The following ITGAV variants were observed in gnomAD, a reference collection of about 807,000 sequenced individuals.
ITGAV encodes integrin alpha-V.
Under a neutral mutation model 143.8 loss-of-function variants are expected in ITGAV, and 76 were observed. The ratio of observed to expected loss-of-function variants is 0.53; its 90% CI spans 0.44 to 0.64. The LOEUF is 0.64. Ranked by LOEUF, ITGAV falls within the 30% of genes least tolerant of loss-of-function variation. The pLI, the probability that ITGAV is intolerant of heterozygous loss-of-function variation, is 0.00. For synonymous variants in ITGAV, 453 were observed against 446.7 expected (o/e 1.01, Z -0.18); for missense variants, 1,193 against 1,274.7 (o/e 0.94, Z 0.98).
chr2:186,655,646 G>T (rs1035595679), intron 16 of ITGAV, among the ~76,000 whole-genome samples: 2 of 152,194 alleles, frequency 1.3e-5, no homozygotes, highest in African/African-American at 4.8e-5. Context: ...ACTATTTAAA[G>T]AACTGAATCT....
intron 26 of ITGAV, chr2:186,670,096 T>C (rs1437478924): frequency 2.1e-5 from 8 of 375,374 alleles, no homozygotes; most frequent in Non-Finnish European, 3.9e-5. Context: ...CTCCTCCTAA[T>C]CTCTGAGGCT....
At chr2:186,601,453 G>T (rs3845712) in intron 1 of ITGAV, among the ~76,000 whole-genome samples, 3 of 151,018 alleles carry the variant, frequency 2.0e-5, no homozygotes, top group African/African-American at 7.3e-5. Flanking sequence ...AAGCAAAACT[G>T]TGTCTCTTAA....
chr2:186,598,342 G>C (rs1209434897), intron 1 of ITGAV, among the ~76,000 whole-genome samples: 1 of 148,606 alleles, frequency 6.7e-6, no homozygotes, highest in African/African-American at 2.5e-5. Flanking sequence ...GTTTCACTGT[G>C]TTAACCAACT....
intron 24 of ITGAV, among the ~76,000 whole-genome samples, chr2:186,668,216 ATTTTTTT>A (rs1186490756): frequency 2.4e-4 from 1 of 4,200 alleles, no homozygotes; most frequent in Non-Finnish European, 4.8e-4. Context: ...ATATATATAT[ATTTTTTT>A]TTTTTTTTTT....
At chr2:186,610,162 A>G (rs1034176531) in intron 2 of ITGAV, among the ~76,000 whole-genome samples, 1 of 152,162 alleles carries the variant, frequency 6.6e-6, no homozygotes, top group Non-Finnish European at 1.5e-5. Context: ...ATATACATAT[A>G]TTCAAAATAT....
chr2:186,642,230 AT>A lies in ITGAV; in HGVS notation c.1159+652del, dbSNP rs527606167. On this transcript the variant is annotated intron_variant, in intron 12 of 29. Transcript: ENST00000261023. Reference sequence around the variant, plus strand: ...GAAATATAGGTTACAAATTACCAAGATTTTTTTTTTAATCTGTTAAAAACCT... The same window carrying A: ...GAAATATAGGTTACAAATTACCAAGATTTTTTTTTAATCTGTTAAAAACCT... Among the ~76,000 whole-genome samples, 98 of 150,854 alleles carry A rather than the reference AT, an allele frequency of 6.5e-4. 1 individual carries two copies. The highest frequency in any genetic ancestry group is 1.3e-3 in the Admixed American group (19 of 15,108).
At position 186,633,473 on chromosome 2, in the gene ITGAV, A is replaced by C. The variant is rs1049773610; in HGVS notation, c.631+99A>C. On this transcript the variant is annotated intron_variant, in intron 6 of 29. Transcript: ENST00000261023. The stretch of plus-strand genomic sequence containing the variant: ...ACATTTTACAAATTATTTTAAAGAA[A>C]GAAATGGAAATACAATTAAAGTATA... The C allele has an allele frequency of 6.6e-6, 4 of 606,416 alleles. No homozygotes were observed. In the Admixed American group the frequency reaches 9.7e-5, roughly 15 times the overall value. 37.6% of individuals were successfully genotyped at this position (606,416 alleles called of 1,614,324 possible).
rs1340320910 is a variant in ITGAV, at chr2:186,596,484, C to T, written c.186-5537C>T. Among the ~76,000 whole-genome samples the T allele has an allele frequency of 1.1e-4, 16 of 145,564 alleles. No homozygotes were observed. In the East Asian group the frequency reaches 2.4e-3, roughly 22 times the overall value. On this transcript the variant is annotated intron_variant, in intron 1 of 29. Transcript: ENST00000261023. ...TTTTTTTTTGAGATGGAGTCTTGCT[C>T]TGTTGCCCAGGCTAGAGTGCAGTGG...
intron 18 of ITGAV, among the ~76,000 whole-genome samples, chr2:186,662,580 A>G (rs1003523731): frequency 6.6e-6 from 1 of 152,218 alleles, no homozygotes; most frequent in Admixed American, 6.5e-5. Flanking sequence ...ATTTGAATCT[A>G]CATTTTCAAC....
At chr2:186,671,589 T>C (rs1574504541) in intron 26 of ITGAV, among the ~76,000 whole-genome samples, 2 of 152,286 alleles carry the variant, frequency 1.3e-5, no homozygotes, top group South Asian at 2.1e-4. Context: ...GCACTTTCTG[T>C]CCTCCTTCAG....
intron 12 of ITGAV, among the ~76,000 whole-genome samples, chr2:186,645,554 A>G (rs1574487418): frequency 6.6e-6 from 1 of 152,310 alleles, no homozygotes; most frequent in Middle Eastern, 3.4e-3. Flanking sequence ...AACTTACTCT[A>G]AATGCTTTGG....
At chr2:186,672,313 A>G (rs746060587) in intron 26 of ITGAV, among the ~76,000 whole-genome samples, 10 of 152,088 alleles carry the variant, frequency 6.6e-5, no homozygotes, top group East Asian at 1.9e-4. Flanking sequence ...TTGTTTATCT[A>G]TTTATCAGTT....
chr2:186,590,904 C>T (rs965294109), intron 1 of ITGAV, among the ~76,000 whole-genome samples: 1 of 152,174 alleles, frequency 6.6e-6, no homozygotes, highest in Non-Finnish European at 1.5e-5. Context: ...TTCTCCTCTA[C>T]CAGTTAGGCT....
At chr2:186,653,127 A>C (rs1193089426) in intron 15 of ITGAV, among the ~76,000 whole-genome samples, 1 of 151,782 alleles carries the variant, frequency 6.6e-6, no homozygotes, top group Non-Finnish European at 1.5e-5. Context: ...TTGTATTTTT[A>C]GTAGAGACGG....
rs201798136 is a variant in ITGAV at position 186,680,023 on chromosome 2, T to C, written c.*2731T>C. On this transcript the variant is annotated 3_prime_UTR_variant, in exon 30 of 30. Transcript: ENST00000261023. ...GACCCTAAGGGAGAGATTTGTGTGA[T>C]AAAAGTATTGTATATAATAGATCAG... The C allele has an allele frequency of 6.6e-5, 10 of 152,224 alleles. No homozygotes were observed. The highest frequency in any genetic ancestry group is 1.3e-4 in the Admixed American group (2 of 15,294). 9.4% of individuals were successfully genotyped at this position (152,224 alleles called of 1,614,324 possible). A position where few individuals can be genotyped will look rare whatever the true frequency, so the allele number is the denominator to read the frequency against.
chr2:186,637,175 A>G (rs530861966), intron 8 of ITGAV, 66 bp downstream of exon 8: 147 of 1,407,038 alleles, frequency 1.0e-4, no homozygotes, highest in Middle Eastern at 1.8e-4. Flanking sequence ...AACATGTGGC[A>G]TTGAAAATTT....
chr2:186,637,253 G>C (rs1011287244), intron 8 of ITGAV, 144 bp downstream of exon 8: 5 of 666,084 alleles, frequency 7.5e-6, no homozygotes, highest in Non-Finnish European at 1.3e-5. Context: ...AGGCTGAGGC[G>C]GGTGGATCCC....
intron 21 of ITGAV, 90 bp downstream of exon 21, chr2:186,665,308 A>G (rs958806215): frequency 1.5e-5 from 12 of 796,944 alleles, no homozygotes; most frequent in African/African-American, 3.5e-5. Context: ...AAAAATAAAC[A>G]CTTCAAAACA....
chr2:186,672,982 C>T (rs1007996299), intron 26 of ITGAV, among the ~76,000 whole-genome samples: 4 of 152,160 alleles, frequency 2.6e-5, no homozygotes, highest in African/African-American at 9.7e-5. Context: ...ATTTTTAAAA[C>T]CATTGCCCAA....
Sources: allele counts gnomAD v4.1 joint callset (sites outside exome capture counted in the v4.1 genomes callset), GRCh38; gene constraint gnomAD v4.1.1; transcripts MANE v1.5; gene names NCBI Gene and HGNC (gene_info 2026-07-23, HGNC 2026-07-21).